Variants in HMGCS1 observed in about 807,000 individuals in gnomAD.
The protein encoded by HMGCS1 is hydroxymethylglutaryl-CoA synthase, cytoplasmic.
HMGCS1 carries 9 observed loss-of-function variants against 52.3 expected under a neutral mutation model. The ratio of observed to expected loss-of-function variants is 0.17; its 90% CI spans 0.10 to 0.30. The LOEUF is 0.30. HMGCS1 is among the 10% of genes least tolerant of loss of function. HMGCS1 has a pLI of 1.00. For missense variants in HMGCS1, 320 were observed against 620.9 expected (o/e 0.52, Z 5.15); for synonymous variants, 176 against 214.4 (o/e 0.82, Z 1.57).
In HMGCS1 at chr5:43,290,780, G is replaced by A. The variant is rs1450436962; in HGVS notation, c.*351C>T. On this transcript the variant is annotated 3_prime_UTR_variant, in exon 11 of 11. Transcript: ENST00000325110. ...CATGTTAAAAAATTTTTTAATTGGA[G>A]ATTAGTACCTCTGCTTTCTTCTGAC... The A allele has an allele frequency of 1.7e-5, 3 of 178,578 alleles. No individual in the cohort carries two copies. Among genetic ancestry groups the A allele is most frequent in the Non-Finnish European group, 3.5e-5 (3 of 85,798 alleles). 11.1% of individuals were successfully genotyped at this position (178,578 alleles called of 1,614,324 possible).
In HMGCS1 at chr5:43,288,196, G is replaced by A. The variant is rs1451487052; in HGVS notation, c.*2935C>T. The A allele has an allele frequency of 6.6e-6, 1 of 152,172 alleles. No individual in the cohort carries two copies. Among genetic ancestry groups the A allele is most frequent in the African/African-American group, 2.4e-5 (1 of 41,450 alleles). The allele number at this position is 152,172 out of a possible 1,614,324, so 9.4% of individuals were successfully genotyped here. On this transcript the variant is annotated 3_prime_UTR_variant, in exon 11 of 11. Transcript: ENST00000325110. ...TAAAGCCCCAATATATAACCCATCT[G>A]AGGATTTCTAATCATAATCTTCAGC...
chr5:43,291,342 AAT>A, intron 10 of HMGCS1, 122 bp from the exon 11 acceptor site: 1 of 648,414 alleles, frequency 1.5e-6, no homozygotes, highest in South Asian at 1.9e-5. Context: ...GTTTATGCTA[AAT>A]ATATATTTTA....
At position 43,288,810 on chromosome 5, in the gene HMGCS1, A is replaced by G. The variant is rs990612432; in HGVS notation, c.*2321T>C. ...TATGAGCTGATCAGTATTAGAAAAT[A>G]TATAATTTGGTTTATTTCCTAATTC... On this transcript the variant is annotated 3_prime_UTR_variant, in exon 11 of 11. Transcript: ENST00000325110. 8 of 152,192 alleles carry G rather than the reference A, an allele frequency of 5.3e-5. No homozygotes were observed. Among genetic ancestry groups the G allele is most frequent in the South Asian group, 4.1e-4 (2 of 4,834 alleles). 9.4% of individuals were successfully genotyped at this position (152,192 alleles called of 1,614,324 possible). A position where few individuals can be genotyped will look rare whatever the true frequency, so the allele number is the denominator to read the frequency against.
chr5:43,302,061 G>A (rs1172991158), intron 2 of HMGCS1, among the ~76,000 whole-genome samples: 1 of 152,224 alleles, frequency 6.6e-6, no homozygotes, highest in African/African-American at 2.4e-5. Context: ...GAAGTGAAGA[G>A]ATCAAGCTCA....
At chr5:43,307,159 C>T (rs1754620306) in intron 2 of HMGCS1, among the ~76,000 whole-genome samples, 5 of 150,148 alleles carry the variant, frequency 3.3e-5, no homozygotes, top group Admixed American at 2.0e-4. Flanking sequence ...CAACCTCCGA[C>T]TTCTGGGTTC....
chr5:43,298,447 A>G lies in HMGCS1; in HGVS notation c.448+71T>C. Reference sequence around the variant, plus strand: ...AAAGTTTGCGTATTGCATTAATTAAAGTGTCATCTGGGTCTATTGAACCTT... The same window carrying G: ...AAAGTTTGCGTATTGCATTAATTAAGGTGTCATCTGGGTCTATTGAACCTT... On this transcript the variant is annotated intron_variant, in intron 3 of 10. Coordinates refer to ENST00000325110, the MANE Select transcript of HMGCS1 (RefSeq NM_001098272.3). The surrounding 1 kb of genome is among the most constrained non-coding windows in gnomAD (Gnocchi z 5.6). 1 of 1,086,290 alleles carries G rather than the reference A, an allele frequency of 9.2e-7. No homozygotes were observed. Among genetic ancestry groups the G allele is most frequent in the South Asian group, 1.5e-5 (1 of 67,868 alleles). 67.3% of individuals were successfully genotyped at this position (1,086,290 alleles called of 1,614,324 possible). A position where few individuals can be genotyped will look rare whatever the true frequency, so the allele number is the denominator to read the frequency against.
At chr5:43,291,984 ATTCTTT>A (rs1753791331) in intron 10 of HMGCS1, among the ~76,000 whole-genome samples, 1 of 129,404 alleles carries the variant, frequency 7.7e-6, no homozygotes, top group Non-Finnish European at 1.6e-5. Flanking sequence ...TTTACTGTAT[ATTCTTT>A]TTTTTTTTTT....
intron 1 of HMGCS1, among the ~76,000 whole-genome samples, chr5:43,308,480 TTC>T (rs1754689024): frequency 6.6e-6 from 1 of 152,244 alleles, no homozygotes; most frequent in Admixed American, 6.5e-5. Context: ...CCTAATCATT[TTC>T]AACACTGCCA....
rs78313889 is a variant in HMGCS1, at chr5:43,305,829, C to T, written c.-11+1937G>A. On this transcript the variant is annotated intron_variant, in intron 2 of 10. Transcript: ENST00000325110. ...AAAAAATTTAAAAAAAGAGATAAAT[C>T]ACAAAAACTTTCAAGTAGAACATAA... 8.8e-3 allele frequency among the ~76,000 whole-genome samples: 1,308 copies of T among 148,652 alleles called. 16 individuals carry two copies. Among genetic ancestry groups the T allele is most frequent in the African/African-American group, 0.031 (1,267 of 40,548 alleles).
At chr5:43,301,400 G>T (rs1323583912) in intron 2 of HMGCS1, among the ~76,000 whole-genome samples, 1 of 152,140 alleles carries the variant, frequency 6.6e-6, no homozygotes, top group African/African-American at 2.4e-5. Flanking sequence ...GAATAACATG[G>T]TGATATTAGT....
At chr5:43,301,317 A>G (rs1419446632) in intron 2 of HMGCS1, among the ~76,000 whole-genome samples, 2 of 152,220 alleles carry the variant, frequency 1.3e-5, no homozygotes, top group African/African-American at 4.8e-5. Context: ...TAGGTCATGA[A>G]GGTTCTGGTA....
intron 2 of HMGCS1, among the ~76,000 whole-genome samples, chr5:43,306,019 T>C (rs984491145): frequency 9.9e-5 from 15 of 152,242 alleles, no homozygotes; most frequent in Middle Eastern, 3.4e-3. Flanking sequence ...AATTCTATCC[T>C]TAAAAAAGGC....
In HMGCS1 at chr5:43,298,431, G is replaced by A. The variant is rs112173043; in HGVS notation, c.448+87C>T. 306 of 929,664 alleles carry A rather than the reference G, an allele frequency of 3.3e-4. 2 individuals are homozygous for A. The African/African-American group carries it at 3.6e-3, about 11-fold the overall frequency. The allele number at this position is 929,664 out of a possible 1,614,324, so 57.6% of individuals were successfully genotyped here. On this transcript the variant is annotated intron_variant, in intron 3 of 10. Transcript: ENST00000325110. The surrounding 1 kb of genome is among the most constrained non-coding windows in gnomAD (Gnocchi z 5.6). ...ACAAGGACAAATTACAAAAGTTTGC[G>A]TATTGCATTAATTAAAGTGTCATCT...
At chr5:43,312,702 A>T (rs1754931458) in intron 1 of HMGCS1, among the ~76,000 whole-genome samples, 1 of 152,144 alleles carries the variant, frequency 6.6e-6, no homozygotes. Flanking sequence ...AGACAAAAAA[A>T]AATATGGAGG....
chr5:43,293,927 C>A (rs1455869591), intron 8 of HMGCS1, 129 bp downstream of exon 8: 4 of 614,672 alleles, frequency 6.5e-6, no homozygotes, highest in Non-Finnish European at 1.2e-5. Context: ...GTTAGCCAGA[C>A]TGGTCTCGAA....
chr5:43,299,291 G>T (rs1754188807), intron 2 of HMGCS1, among the ~76,000 whole-genome samples: 1 of 152,128 alleles, frequency 6.6e-6, no homozygotes, highest in Non-Finnish European at 1.5e-5. Context: ...AGAACTGTAA[G>T]ATAAAATACA....
In HMGCS1 at chr5:43,304,655, A is replaced by T. The variant is rs376996896; in HGVS notation, c.-11+3111T>A. ...CTCCTAAATGTCCTACATTAAATAC[A>T]TGACATGTTTCATTTGAAAACAAAC... On this transcript the variant is annotated intron_variant, in intron 2 of 10. Transcript: ENST00000325110. Among the ~76,000 whole-genome samples the T allele has an allele frequency of 2.4e-4, 37 of 152,364 alleles. 1 individual carries two copies. Among genetic ancestry groups the T allele is most frequent in the African/African-American group, 8.9e-4 (37 of 41,588 alleles).
At chr5:43,312,604 C>T (rs1452882391) in intron 1 of HMGCS1, among the ~76,000 whole-genome samples, 1 of 152,160 alleles carries the variant, frequency 6.6e-6, no homozygotes, top group African/African-American at 2.4e-5. Flanking sequence ...GCCCATTACA[C>T]TGTATCACCT....
intron 8 of HMGCS1, chr5:43,293,854 C>G (rs1043870117): frequency 2.3e-6 from 1 of 441,432 alleles, no homozygotes; most frequent in Non-Finnish European, 4.2e-6. Context: ...GCTAGGACTA[C>G]AGGCATGCAC....
Sources: gnomAD v4.1 joint callset for allele counts (sites outside exome capture counted in the v4.1 genomes callset) on GRCh38, gnomAD v4.1.1 for gene constraint, Gnocchi (gnomAD v3.1) non-coding constraint, MANE v1.5 for transcripts, NCBI Gene and HGNC (gene_info 2026-07-23, HGNC 2026-07-21) for gene names.